NCOR2: variants seen among roughly 807,000 people sequenced by gnomAD.
NCOR2 encodes the protein CTG repeat protein 26.
A neutral mutation model predicts 262.9 loss-of-function variants in NCOR2; 81 were observed. The ratio of observed to expected loss-of-function variants is 0.31; its 90% CI spans 0.26 to 0.37. NCOR2 has a LOEUF of 0.37. NCOR2 is among the 10% of genes least tolerant of loss of function. NCOR2 has a pLI of 1.00. For synonymous variants in NCOR2, 1,659 were observed against 1,559.3 expected (o/e 1.06, Z -1.51); for missense variants, 3,385 against 3,621.4 (o/e 0.93, Z 1.68).
chr12:124,476,311 A>T (rs1194985257), intron 3 of NCOR2, among the ~76,000 whole-genome samples: 1 of 152,182 alleles, frequency 6.6e-6, no homozygotes, highest in Admixed American at 6.5e-5. Context: ...CCTACAGCCC[A>T]TGTCATTTCT....
At chr12:124,335,713 G>T in intron 38 of NCOR2, 81 bp from the exon 41 acceptor site, 2 of 1,487,254 alleles carry the variant, frequency 1.3e-6, no homozygotes, top group Non-Finnish European at 1.8e-6. Context: ...CTCCCAGCTG[G>T]CTGGGACCCC....
chr12:124,432,141 C>A lies in NCOR2; in HGVS notation c.883-1354G>T, dbSNP rs1053554303. Among the ~76,000 whole-genome samples, 1 of 151,938 alleles carries A rather than the reference C, an allele frequency of 6.6e-6. No individual in the cohort carries two copies. The highest frequency in any genetic ancestry group is 1.5e-5 in the Non-Finnish European group (1 of 67,986). On this transcript the variant is annotated intron_variant, in intron 8 of 46. Transcript: ENST00000405201. This position sits in a 1 kb window ranked among gnomAD's most constrained non-coding sequence, Gnocchi z 5.1. ...TGACAGACACACACACAGTCGCAGG[C>A]AGACAAACAGATGCACACACAGGGT...
rs200382447 is a variant in NCOR2 at position 124,483,788 on chromosome 12, G to T, written c.234-15C>A. Reference sequence around the variant, plus strand: ...GCTCCTGGGACCTGCAGGAGGTGAGGCATCCAACGTCACATAGGAGATTGC... The same window carrying T: ...GCTCCTGGGACCTGCAGGAGGTGAGTCATCCAACGTCACATAGGAGATTGC... On this transcript the variant is annotated splice_polypyrimidine_tract_variant and intron_variant, in intron 2 of 46. Transcript: ENST00000405201. This position sits in a 1 kb window ranked among gnomAD's most constrained non-coding sequence, Gnocchi z 6.3. 9 of 1,582,672 alleles carry T rather than the reference G, an allele frequency of 5.7e-6. No individual in the cohort carries two copies. The East Asian group carries it at 1.6e-4, about 28-fold the overall frequency.
chr12:124,370,276 C>T (rs2039392485), intron 20 of NCOR2, among the ~76,000 whole-genome samples: 2 of 152,240 alleles, frequency 1.3e-5, no homozygotes, highest in South Asian at 2.1e-4. Flanking sequence ...TCAGGCCGTC[C>T]ACTTCTCACA....
At chr12:124,388,881 G>T (rs191752208) in intron 16 of NCOR2, 2 of 800,158 alleles carry the variant, frequency 2.5e-6, no homozygotes, top group Non-Finnish European at 3.3e-6. Flanking sequence ...AGGGAGGGAG[G>T]GAGGGAGGGA....
intron 18 of NCOR2, among the ~76,000 whole-genome samples, chr12:124,376,485 C>A (rs1208184030): frequency 6.6e-6 from 1 of 152,214 alleles, no homozygotes; most frequent in East Asian, 1.9e-4. Flanking sequence ...AGACCCAGGA[C>A]CCAAAATGGG....
At chr12:124,332,531 G>A (rs2035287256) in intron 42 of NCOR2, 64 bp from the exon 45 acceptor site, 1 of 1,606,594 alleles carries the variant, frequency 6.2e-7, no homozygotes, top group Non-Finnish European at 8.5e-7. Context: ...TTTGATGATG[G>A]GGAACTCACC....
chr12:124,358,558 T>G (rs4765145), intron 22 of NCOR2, among the ~76,000 whole-genome samples: 2 of 151,968 alleles, frequency 1.3e-5, no homozygotes, highest in South Asian at 4.1e-4. Context: ...ACGGCCTCCA[T>G]GAGCCTCCGG....
intron 1 of NCOR2, among the ~76,000 whole-genome samples, chr12:124,562,703 A>G (rs981138599): frequency 6.6e-6 from 1 of 152,222 alleles, no homozygotes; most frequent in African/African-American, 2.4e-5. Context: ...ACCGTCTCCA[A>G]AGGGCAACAA....
chr12:124,434,943 C>A, intron 8 of NCOR2, among the ~76,000 whole-genome samples: 1 of 152,194 alleles, frequency 6.6e-6, no homozygotes, highest in South Asian at 2.1e-4. Flanking sequence ...ACTTTGGATT[C>A]TTTACTACAA....
intron 41 of NCOR2, among the ~76,000 whole-genome samples, chr12:124,333,909 TGC>T (rs1201056537): frequency 1.1e-4 from 16 of 146,022 alleles, no homozygotes; most frequent in African/African-American, 3.4e-4. Flanking sequence ...CGCGCATGTG[TGC>T]GGGTGTGCAT....
intron 17 of NCOR2, among the ~76,000 whole-genome samples, chr12:124,382,260 A>G (rs1056827700): frequency 3.9e-5 from 6 of 152,256 alleles, no homozygotes; most frequent in African/African-American, 1.4e-4. Flanking sequence ...GCTCACCACT[A>G]CACCAAGAAC....
chr12:124,340,702 C>CG lies in NCOR2; in HGVS notation c.5237dup (p.Thr1747AspfsTer280). 1 of 1,537,498 alleles carries CG rather than the reference C, an allele frequency of 6.5e-7. No individual in the cohort carries two copies. Among genetic ancestry groups the CG allele is most frequent in the Non-Finnish European group, 8.7e-7 (1 of 1,152,654 alleles). On this transcript the variant is annotated frameshift_variant, in exon 35 of 47. Transcript: ENST00000405201. LOFTEE classifies it high-confidence loss of function. ...TGGCGGTGGCTGGGGTGCCTGGTGT[C>CG]GGGGGCACGAGCACAGGCAGGTGTG...
intron 1 of NCOR2, among the ~76,000 whole-genome samples, chr12:124,491,489 C>T (rs1320785462): frequency 6.6e-6 from 1 of 152,214 alleles, no homozygotes; most frequent in African/African-American, 2.4e-5. Context: ...GCTCCAGAAC[C>T]GGTGCTATGA....
rs1177937574 is a variant in NCOR2 at position 124,549,805 on chromosome 12, G to A, written c.-164-14194C>T. ...GGAGGGAGAGAGGGCGGCAGGAACG[G>A]GGCCTTGAGTCACCACCCTATCCCA... On this transcript the variant is annotated intron_variant, in intron 1 of 32. Transcript: ENST00000458234. This position sits in a 1 kb window ranked among gnomAD's most constrained non-coding sequence, Gnocchi z 4.4. Among the ~76,000 whole-genome samples the A allele has an allele frequency of 6.6e-6, 1 of 152,144 alleles. No homozygotes were observed. The highest frequency in any genetic ancestry group is 1.5e-5 in the Non-Finnish European group (1 of 68,016).
chr12:124,463,322 C>T (rs191258259), intron 5 of NCOR2, among the ~76,000 whole-genome samples: 54 of 152,352 alleles, frequency 3.5e-4, no homozygotes, highest in Admixed American at 1.6e-3. Flanking sequence ...GCCCTCCTTC[C>T]GGCCCACCCG....
In NCOR2 at chr12:124,482,031, G is replaced by C. The variant is rs1384047434; in HGVS notation, c.411+1565C>G. On this transcript the variant is annotated intron_variant, in intron 3 of 46. Coordinates refer to ENST00000405201, the Ensembl canonical transcript of NCOR2. The surrounding 1 kb of genome is among the most constrained non-coding windows in gnomAD (Gnocchi z 6.3). ...TGATGGACTGGAAGTACGCAGGAGA[G>C]CAGGGAGGTGGCCAGGGTGGAGTCC... Among the ~76,000 whole-genome samples the C allele has an allele frequency of 1.3e-5, 2 of 152,166 alleles. No homozygotes were observed. Among genetic ancestry groups the C allele is most frequent in the Admixed American group, 6.5e-5 (1 of 15,288 alleles).
At chr12:124,489,843 G>T (rs752482878) in intron 1 of NCOR2, among the ~76,000 whole-genome samples, 2 of 152,190 alleles carry the variant, frequency 1.3e-5, no homozygotes, top group African/African-American at 2.4e-5. Flanking sequence ...GATGCGGGGG[G>T]ATGTTTGAGC....
intron 1 of NCOR2, among the ~76,000 whole-genome samples, chr12:124,487,789 A>T (rs2047855989): frequency 6.6e-6 from 1 of 151,946 alleles, no homozygotes; most frequent in Non-Finnish European, 1.5e-5. Context: ...ATCCATTATC[A>T]TAGGGGGTAA....
Sources: gnomAD v4.1 joint callset for allele counts (sites outside exome capture counted in the v4.1 genomes callset) on GRCh38, gnomAD v4.1.1 for gene constraint, Gnocchi (gnomAD v3.1) non-coding constraint, MANE v1.5 for transcripts, NCBI Gene and HGNC (gene_info 2026-07-23, HGNC 2026-07-21) for gene names.